MAN1A2: variants seen among roughly 807,000 people sequenced by gnomAD.
The protein encoded by MAN1A2 is mannosyl-oligosaccharide 1,2-alpha-mannosidase IB.
In MAN1A2, 26 loss-of-function variants were observed where a neutral mutation model predicts 75.7. That is an observed-to-expected ratio of 0.34 (90% confidence interval 0.25 to 0.48). MAN1A2 has a LOEUF of 0.48. MAN1A2 is among the 20% of genes least tolerant of loss of function. MAN1A2 has a pLI of 0.99. For synonymous variants in MAN1A2, 247 were observed against 264.6 expected (o/e 0.93, Z 0.65); for missense variants, 562 against 775.5 (o/e 0.72, Z 3.27).
At chr1:117,397,404 T>A (rs973675508) in intron 1 of MAN1A2, among the ~76,000 whole-genome samples, 2 of 152,010 alleles carry the variant, frequency 1.3e-5, no homozygotes, top group African/African-American at 4.8e-5. Context: ...TTTTTATTTT[T>A]AAAAATAATT....
intron 6 of MAN1A2, among the ~76,000 whole-genome samples, chr1:117,444,583 G>A (rs560516672): frequency 5.3e-5 from 8 of 152,030 alleles, no homozygotes; most frequent in African/African-American, 1.2e-4. Context: ...TTTTTGACAC[G>A]ATGGTTGCTA....
At chr1:117,431,210 AGGGGGAGGGGGAGGGGGAG>A (rs1557947849) in intron 5 of MAN1A2, among the ~76,000 whole-genome samples, 45 of 2,332 alleles carry the variant, frequency 0.019, no homozygotes, top group Non-Finnish European at 0.024. Flanking sequence ...GGGGAGGGGG[AGGGGGAGGGGGAGGGGGAG>A]GGGGGAGGCC....
chr1:117,410,524 C>T (rs59580757), intron 3 of MAN1A2, among the ~76,000 whole-genome samples: 37,918 of 150,974 alleles, frequency 0.25, 5,548 homozygotes, highest in East Asian at 0.48. Flanking sequence ...TATGCTTTCC[C>T]CTAAGATTGC....
At chr1:117,381,454 C>G (rs1269432157) in intron 1 of MAN1A2, among the ~76,000 whole-genome samples, 1 of 152,018 alleles carries the variant, frequency 6.6e-6, no homozygotes, top group African/African-American at 2.4e-5. Flanking sequence ...TTTGTCTTTG[C>G]GATAGTTTAC....
At chr1:117,386,130 A>G (rs944662337) in intron 1 of MAN1A2, among the ~76,000 whole-genome samples, 1 of 152,216 alleles carries the variant, frequency 6.6e-6, no homozygotes, top group African/African-American at 2.4e-5. Context: ...CCATTATACT[A>G]ATTAATTCCT....
chr1:117,466,162 G>A (rs1222094028), intron 7 of MAN1A2, among the ~76,000 whole-genome samples, 172 bp from the exon 8 acceptor site: 1 of 151,946 alleles, frequency 6.6e-6, no homozygotes. Context: ...ATAAAAATGA[G>A]TCATTTAAGA....
rs73020116 is a variant in MAN1A2, at chr1:117,505,509, C to T, written c.1793+2539C>T. On this transcript the variant is annotated intron_variant, in intron 12 of 12. Coordinates refer to ENST00000356554, the MANE Select transcript of MAN1A2 (RefSeq NM_006699.5). Reference sequence around the variant, plus strand: ...TATATATAGATAGATATATTTGCTACAATTTTTGCTTTTAGAAAAACATAT... The same window carrying T: ...TATATATAGATAGATATATTTGCTATAATTTTTGCTTTTAGAAAAACATAT... Among the ~76,000 whole-genome samples the T allele has an allele frequency of 1.6e-3, 238 of 151,032 alleles. 1 individual carries two copies. The highest frequency in any genetic ancestry group is 5.6e-3 in the African/African-American group (231 of 41,378).
chr1:117,427,548 C>T (rs1201429990), intron 5 of MAN1A2, among the ~76,000 whole-genome samples: 2 of 152,070 alleles, frequency 1.3e-5, no homozygotes, highest in African/African-American at 4.8e-5. Context: ...ATGAAGAGAG[C>T]AGATAGCTGT....
At chr1:117,458,524 T>TATATATATAA (rs373076182) in intron 6 of MAN1A2, among the ~76,000 whole-genome samples, 23 of 71,676 alleles carry the variant, frequency 3.2e-4, no homozygotes, top group African/African-American at 9.6e-4. Flanking sequence ...TATATATATA[T>TATATATATAA]TTTTTTTTTT....
intron 1 of MAN1A2, among the ~76,000 whole-genome samples, chr1:117,393,991 G>GT (rs1173608971): frequency 6.6e-6 from 1 of 151,974 alleles, no homozygotes; most frequent in African/African-American, 2.4e-5. Context: ...TCTGCTCGTA[G>GT]TTTCCTTCCC....
chr1:117,508,813 A>G (rs888547238), intron 12 of MAN1A2, among the ~76,000 whole-genome samples: 2 of 151,692 alleles, frequency 1.3e-5, no homozygotes, highest in African/African-American at 2.4e-5. Flanking sequence ...TATTTCAACA[A>G]TATCAAAATG....
intron 12 of MAN1A2, among the ~76,000 whole-genome samples, chr1:117,520,842 AAAG>A (rs1247456581): frequency 1.3e-5 from 2 of 152,102 alleles, no homozygotes; most frequent in African/African-American, 4.8e-5. Flanking sequence ...TGGAACAAAA[AAAG>A]AGCCTACATA....
At chr1:117,468,643 A>G (rs1650051206) in intron 8 of MAN1A2, among the ~76,000 whole-genome samples, 1 of 152,164 alleles carries the variant, frequency 6.6e-6, no homozygotes, top group South Asian at 2.1e-4. Context: ...AGCTACTTGT[A>G]GCTAGTGCTT....
At chr1:117,456,097 T>C (rs1469814157) in intron 6 of MAN1A2, among the ~76,000 whole-genome samples, 1 of 152,086 alleles carries the variant, frequency 6.6e-6, no homozygotes, top group Non-Finnish European at 1.5e-5. Context: ...ATTCAACCTT[T>C]GTTAATGTGC....
intron 8 of MAN1A2, among the ~76,000 whole-genome samples, chr1:117,490,563 C>A (rs1289038632): frequency 1.3e-5 from 2 of 151,982 alleles, no homozygotes; most frequent in Non-Finnish European, 2.9e-5. Flanking sequence ...CAGTTAATAA[C>A]CCTATAATGT....
intron 8 of MAN1A2, among the ~76,000 whole-genome samples, chr1:117,478,717 G>A (rs1300442224): frequency 1.3e-5 from 2 of 151,830 alleles, no homozygotes; most frequent in Middle Eastern, 3.2e-3. Flanking sequence ...AGAATCAGTT[G>A]TACATTTAAG....
rs902997482 is a variant in MAN1A2, at chr1:117,480,220, T to C, written c.1169-12927T>C. Among the ~76,000 whole-genome samples the C allele has an allele frequency of 5.9e-5, 9 of 151,926 alleles. No homozygotes were observed. The Admixed American group carries it at 5.9e-4, about 10-fold the overall frequency. On this transcript the variant is annotated intron_variant, in intron 8 of 12. Transcript: ENST00000356554. ...TCTTTCTTTGCACATTTGTTCTCTC[T>C]GGTATACTATCCTATAAACTGTAGC...
intron 9 of MAN1A2, chr1:117,495,015 A>C (rs1650993900): frequency 6.6e-6 from 1 of 151,606 alleles, no homozygotes; most frequent in Non-Finnish European, 1.5e-5. Flanking sequence ...TTTTCTTGTA[A>C]TTTTCTTTAA....
At chr1:117,381,509 A>T (rs1446063992) in intron 1 of MAN1A2, among the ~76,000 whole-genome samples, 1 of 152,060 alleles carries the variant, frequency 6.6e-6, no homozygotes, top group Non-Finnish European at 1.5e-5. Context: ...TACAAAGGAC[A>T]TGAACTCATC....
Sources: gnomAD v4.1 joint callset for allele counts (sites outside exome capture counted in the v4.1 genomes callset) on GRCh38, gnomAD v4.1.1 for gene constraint, MANE v1.5 for transcripts, NCBI Gene and HGNC (gene_info 2026-07-23, HGNC 2026-07-21) for gene names.